Variants in CMTR2 observed in about 807,000 individuals in gnomAD.
CMTR2 encodes cap methyltransferase 2, also known as cap-specific mRNA (nucleoside-2'-O-)-methyltransferase 2.
CMTR2 carries 40 observed loss-of-function variants against 49.8 expected under a neutral mutation model. The ratio of observed to expected loss-of-function variants is 0.80; its 90% confidence interval spans 0.62 to 1.04. The LOEUF is 1.04. Among genes scored for constraint, CMTR2 ranks in the 50% least tolerant of loss-of-function variants. The pLI is 0.00. For synonymous variants in CMTR2, 326 were observed against 315.8 expected, an observed-to-expected ratio of 1.03 and a Z score of -0.34; for missense variants, 907 against 897.2, an observed-to-expected ratio of 1.01 and a Z score of -0.14.
Position 71,283,429 on chromosome 16 carries a change from T to C in CMTR2, c.*179A>G, listed in dbSNP as rs1160771934. ...CCACCACGTGGAAGAGCTCTATGCCTGTGGGTGTATATACCCTAGAGATCA... is the reference window on the plus strand; with the variant it reads ...CCACCACGTGGAAGAGCTCTATGCCCGTGGGTGTATATACCCTAGAGATCA... On this transcript the variant is annotated 3_prime_UTR_variant, in exon 3 of 3. Transcript: ENST00000434935. 8 of 661,984 alleles carry C rather than the reference T, an allele frequency of 1.2e-5. No homozygotes were observed. The highest frequency in any genetic ancestry group is 2.0e-5 in the Non-Finnish European group (8 of 392,992). 41.0% of individuals were successfully genotyped at this position (661,984 alleles called of 1,614,324 possible). A position where few individuals can be genotyped will look rare whatever the true frequency, so the allele number is the denominator to read the frequency against.
intron 2 of CMTR2, chr16:71,288,569 G>C (rs1255431456): frequency 1.3e-5 from 2 of 151,692 alleles, no homozygotes; most frequent in East Asian, 3.9e-4. Flanking sequence ...GCACAAAAGG[G>C]ATCTCTCTCT....
Position 71,284,135 on chromosome 16 carries a change from G to T in CMTR2, c.1786C>A (p.Pro596Thr). Residue 596 changes from proline to threonine, a missense_variant, in exon 3 of 3, where the codon CCG (proline) becomes ACG (threonine). By Grantham distance (38) the Pro-to-Thr change is conservative (BLOSUM62 -1). Transcript: ENST00000434935. Reference sequence around the variant, plus strand: ...GATTCTAGGAGTCGAACTTCCAACGGTATATGCATTTTGATATTACGGAGA... The same window carrying T: ...GATTCTAGGAGTCGAACTTCCAACGTTATATGCATTTTGATATTACGGAGA... ...STLRNIKMHIPLEVRLLESAE... is the reference protein window; with the variant it reads ...STLRNIKMHITLEVRLLESAE... 2 of 1,613,978 alleles carry T rather than the reference G, an allele frequency of 1.2e-6. No homozygotes were observed. The highest frequency in any genetic ancestry group is 1.7e-6 in the Non-Finnish European group (2 of 1,179,910).
chr16:71,284,723 C>T lies in CMTR2; in HGVS notation c.1198G>A (p.Ala400Thr), dbSNP rs1248330358. ...QEKLNNLRDC[A>T]IQYFMQKFQL... ...AATTTTTGCATAAAATATTGTATAG[C>T]ACAATCCCTTAAATTATTCAGCTTT... Residue 400 changes from alanine (A) to threonine (T), a missense_variant, in exon 3 of 3, where the codon GCT becomes ACT. Ala to Thr is a moderately conservative substitution (Grantham distance 58, BLOSUM62 0). Transcript: ENST00000434935. 4.3e-6 allele frequency: 7 copies of T among 1,613,442 alleles called. No individual in the cohort carries two copies. The South Asian group carries it at 6.6e-5, about 15-fold the overall frequency.
rs2041646462 is a variant in CMTR2, at chr16:71,283,476, T to TAGGA, written c.*131_*132insTCCT. The TAGGA allele has an allele frequency of 9.1e-7, 1 of 1,096,582 alleles. No homozygotes were observed. Among genetic ancestry groups the TAGGA allele is most frequent in the South Asian group, 1.7e-5 (1 of 58,614 alleles). 67.9% of individuals were successfully genotyped at this position (1,096,582 alleles called of 1,614,324 possible). A position where few individuals can be genotyped will look rare whatever the true frequency, so the allele number is the denominator to read the frequency against. ...ATCAGAATGGATGGTTTTCCAGAAT[T>TAGGA]AATGAGACTTTGAATGATGCAAATG... On this transcript the variant is annotated 3_prime_UTR_variant, in exon 3 of 3. Transcript: ENST00000434935.
chr16:71,284,575 A>C lies in CMTR2; in HGVS notation c.1346T>G (p.Met449Arg), dbSNP rs372970522. 136 of 1,613,726 alleles carry C rather than the reference A, an allele frequency of 8.4e-5. No homozygotes were observed. The highest frequency in any genetic ancestry group is 8.7e-5 in the Non-Finnish European group (103 of 1,179,900). ...ATCTTTCCATGAAAGGGCTTCTAGCATCTTCCTTTCATTATAAGTTTTAAA... is the reference window on the plus strand; with the variant it reads ...ATCTTTCCATGAAAGGGCTTCTAGCCTCTTCCTTTCATTATAAGTTTTAAA... ...KYFKTYNERKMLEALSWKDKV... is the reference protein window; with the variant it reads ...KYFKTYNERKRLEALSWKDKV... The change falls in exon 3 of 3, where the codon ATG becomes AGG. Residue 449 changes from methionine to arginine, a missense_variant. Met to Arg is a moderately conservative substitution (Grantham distance 91). Transcript: ENST00000434935.
chr16:71,289,046 C>G (rs1047656436), intron 1 of CMTR2, 90 bp downstream of exon 1: 1 of 152,348 alleles, frequency 6.6e-6, no homozygotes, highest in Non-Finnish European at 1.5e-5. Context: ...GAGGCCCGGT[C>G]CCTGACCTGG....
At chr16:71,286,003 G>A in intron 2 of CMTR2, 64 bp from the exon 3 acceptor site, 1 of 1,207,586 alleles carries the variant, frequency 8.3e-7, no homozygotes, top group South Asian at 1.6e-5. Context: ...CTCATGAGCA[G>A]CAAATACGAT....
intron 2 of CMTR2, chr16:71,286,798 C>A (rs1837601802): frequency 6.6e-6 from 1 of 152,030 alleles, no homozygotes; most frequent in African/African-American, 2.4e-5. Flanking sequence ...CATAACATAT[C>A]ATTATTTCTT....
rs1413533780 is a variant in CMTR2, at chr16:71,283,115, G to C, written c.*493C>G. 3 of 153,320 alleles carry C rather than the reference G, an allele frequency of 2.0e-5. No individual in the cohort carries two copies. Among genetic ancestry groups the C allele is most frequent in the African/African-American group, 7.2e-5 (3 of 41,444 alleles). The allele number at this position is 153,320 out of a possible 1,614,324, so 9.5% of individuals were successfully genotyped here. ...ATAACTGATGTGTTAACGGAAATCA[G>C]TGTTGCTGAACAGTGATTTACTCAT... On this transcript the variant is annotated 3_prime_UTR_variant, in exon 3 of 3. Transcript: ENST00000434935.
rs559710982 is a variant in CMTR2 at position 71,283,280 on chromosome 16, A to C, written c.*328T>G. ...AAAACTAATCTGAACAAAGGTACAC[A>C]GATGCAAATCTTAAGCAGATTAAGT... On this transcript the variant is annotated 3_prime_UTR_variant, in exon 3 of 3. Coordinates refer to ENST00000434935, the MANE Select transcript of CMTR2 (RefSeq NM_018348.6). 19 of 230,254 alleles carry C rather than the reference A, an allele frequency of 8.3e-5. No individual in the cohort carries two copies. The highest frequency in any genetic ancestry group is 4.1e-4 in the African/African-American group (18 of 44,132). 14.3% of individuals were successfully genotyped at this position (230,254 alleles called of 1,614,324 possible). A position where few individuals can be genotyped will look rare whatever the true frequency, so the allele number is the denominator to read the frequency against.
chr16:71,287,097 G>A (rs1391837564), intron 2 of CMTR2: 1 of 152,068 alleles, frequency 6.6e-6, no homozygotes, highest in African/African-American at 2.4e-5. Flanking sequence ...CACAAATTCT[G>A]CACTTATTTA....
Position 71,284,577 on chromosome 16 carries a change from C to A in CMTR2, c.1344G>T (p.Lys448Asn). Residue 448 changes from lysine to asparagine, a missense_variant, in exon 3 of 3, where the codon AAG becomes AAT. Physicochemically the swap from Lys to Asn is moderately conservative, Grantham distance 94. Coordinates refer to ENST00000434935, the MANE Select transcript of CMTR2 (RefSeq NM_018348.6). ...NKYFKTYNER[K>N]MLEALSWKDK... ...CTTTCCATGAAAGGGCTTCTAGCAT[C>A]TTCCTTTCATTATAAGTTTTAAAAT... 6.2e-7 allele frequency: 1 copy of A among 1,613,752 alleles called. No homozygotes were observed. Among genetic ancestry groups the A allele is most frequent in the Non-Finnish European group, 8.5e-7 (1 of 1,179,864 alleles).
chr16:71,286,994 A>C (rs2041738102), intron 2 of CMTR2: 1 of 152,198 alleles, frequency 6.6e-6, no homozygotes, highest in African/African-American at 2.4e-5. Flanking sequence ...GCTTAATGGC[A>C]TAGTTTTGGA....
Position 71,284,789 on chromosome 16 carries a change from TTTCAG to T in CMTR2, c.1127_1131del (p.Ser376Ter). ...CCCATGCACTCAAATAGACGAATGT[TTTCAG>T]AAATAGTCTCTAGCTGATATTTATG... On this transcript the variant is annotated frameshift_variant, in exon 3 of 3. Coordinates refer to ENST00000434935, the MANE Select transcript of CMTR2 (RefSeq NM_018348.6). LOFTEE classifies it high-confidence loss of function. 6.2e-7 allele frequency: 1 copy of T among 1,613,876 alleles called. No individual in the cohort carries two copies.
chr16:71,284,577 C>G lies in CMTR2; in HGVS notation c.1344G>C (p.Lys448Asn). ...NKYFKTYNER[K>N]MLEALSWKDK... ...CTTTCCATGAAAGGGCTTCTAGCAT[C>G]TTCCTTTCATTATAAGTTTTAAAAT... is the stretch of plus-strand genomic sequence containing the variant. The change falls in exon 3 of 3, where the codon AAG (lysine) becomes AAC (asparagine). Residue 448 changes from lysine to asparagine, a missense_variant. Lys to Asn is a moderately conservative substitution (Grantham distance 94). Coordinates refer to ENST00000434935, the MANE Select transcript of CMTR2 (RefSeq NM_018348.6). 6.2e-7 allele frequency: 1 copy of G among 1,613,752 alleles called. No individual in the cohort carries two copies. Among genetic ancestry groups the G allele is most frequent in the Non-Finnish European group, 8.5e-7 (1 of 1,179,864 alleles).
rs1240532447 is a variant in CMTR2, at chr16:71,285,142, A to G, written c.779T>C (p.Val260Ala). The change falls in exon 3 of 3, where the codon GTC (valine) becomes GCC (alanine). Residue 260 changes from valine to alanine, a missense_variant. Val to Ala is a moderately conservative substitution (Grantham distance 64). Coordinates refer to ENST00000434935, the MANE Select transcript of CMTR2 (RefSeq NM_018348.6). The stretch of plus-strand genomic sequence containing the variant: ...GTTTCCAAGAGTGGTCAGAGCAGTG[A>G]CAACTTCACAGTAATGCAAAGAAGA... ...LVSSLHYCEV[V>A]TALTTLGNGG... 6.2e-7 allele frequency: 1 copy of G among 1,614,080 alleles called. No homozygotes were observed. The highest frequency in any genetic ancestry group is 1.7e-5 in the Admixed American group (1 of 60,008).
chr16:71,284,492 C>A lies in CMTR2; in HGVS notation c.1429G>T (p.Gly477Trp), dbSNP rs768217999. Reference protein sequence around the residue: ...WAEEHGVYHPGQSSILEGTAS... With the variant: ...WAEEHGVYHPWQSSILEGTAS... ...GTTCCTTCTAAAATAGAACTCTGCCCAGGATGATATACACCATGTTCTTCA... is the reference window on the plus strand; with the variant it reads ...GTTCCTTCTAAAATAGAACTCTGCCAAGGATGATATACACCATGTTCTTCA... The change falls in exon 3 of 3, where the codon GGG (glycine) becomes TGG (tryptophan). Residue 477 changes from glycine (G) to tryptophan (W), a missense_variant. Transcript: ENST00000434935. The A allele has an allele frequency of 1.2e-6, 2 of 1,613,830 alleles. No individual in the cohort carries two copies. Among genetic ancestry groups the A allele is most frequent in the African/African-American group, 2.7e-5 (2 of 74,902 alleles).
chr16:71,283,538 T>C lies in CMTR2; in HGVS notation c.*70A>G, dbSNP rs2144836006. ...CCAAAATAAAAGGTTTTTAAATTAA[T>C]AGAGCAACAGGATGCAAATACTGGG... On this transcript the variant is annotated 3_prime_UTR_variant, in exon 3 of 3. Transcript: ENST00000434935. 5 of 1,506,420 alleles carry C rather than the reference T, an allele frequency of 3.3e-6. No individual in the cohort carries two copies. The highest frequency in any genetic ancestry group is 2.3e-5 in the East Asian group (1 of 44,070). The allele number at this position is 1,506,420 out of a possible 1,614,324, so 93.3% of individuals were successfully genotyped here.
chr16:71,284,364 A>G lies in CMTR2; in HGVS notation c.1557T>C (p.Leu519=), dbSNP rs373425212. Residue 519 remains leucine, a synonymous_variant, in exon 3 of 3, where the codon CTT becomes CTC. Transcript: ENST00000434935. ...CTAATGACTTTTCAATTGCTTCATT[A>G]AGAGTTTTTAAAATTTCACCATTGC... ...PFCNGEILKT[L]NEAIEKSLGG... is the part of the protein sequence containing the mutation. 6.2e-7 allele frequency: 1 copy of G among 1,613,494 alleles called. No homozygotes were observed. Among genetic ancestry groups the G allele is most frequent in the East Asian group, 2.2e-5 (1 of 44,876 alleles).
Sources: gnomAD v4.1 joint callset for allele counts on GRCh38, gnomAD v4.1.1 for gene constraint, MANE v1.5 for transcripts, NCBI Gene and HGNC (gene_info 2026-07-23, HGNC 2026-07-21) for gene names.